CLUL1: variants seen among roughly 807,000 people sequenced by gnomAD.
CLUL1 encodes the protein clusterin-like protein 1.
Under a neutral mutation model 49.4 loss-of-function variants are expected in CLUL1, and 43 were observed. The ratio of observed to expected loss-of-function variants is 0.87; its 90% CI spans 0.68 to 1.12. CLUL1 has a LOEUF of 1.12. Ranked by LOEUF, CLUL1 falls within the 50% of genes most tolerant of loss-of-function variation. The probability of loss-of-function intolerance (pLI) is 0.00; values close to 1 mark genes in which losing one functional copy is unlikely to be tolerated. For missense variants in CLUL1, 486 were observed against 544.4 expected (o/e 0.89, Z 1.07); for synonymous variants, 192 against 184.9 (o/e 1.04, Z -0.31).
chr18:603,842 C>T (rs189873455), intron 1 of CLUL1, among the ~76,000 whole-genome samples: 7 of 152,150 alleles, frequency 4.6e-5, no homozygotes, highest in Non-Finnish European at 5.9e-5. Context: ...TTCTATTTCA[C>T]GAACATTTTG....
chr18:601,686 G>A (rs2072835279), intron 1 of CLUL1, among the ~76,000 whole-genome samples: 1 of 151,390 alleles, frequency 6.6e-6, no homozygotes, highest in Non-Finnish European at 1.5e-5. Context: ...GCACATGCCT[G>A]TAATCCCAGC....
Position 618,235 on chromosome 18 carries a change from T to G in CLUL1, c.106+129T>G. The G allele has an allele frequency of 1.5e-6, 1 of 675,626 alleles. No individual in the cohort carries two copies. The highest frequency in any genetic ancestry group is 2.8e-5 in the East Asian group (1 of 36,014). The allele number at this position is 675,626 out of a possible 1,614,324, so 41.9% of individuals were successfully genotyped here. On this transcript the variant is annotated intron_variant, in intron 3 of 9. Coordinates refer to ENST00000692774, the MANE Select transcript of CLUL1 (RefSeq NM_001393344.1). This position sits in a 1 kb window ranked among gnomAD's most constrained non-coding sequence, Gnocchi z 4.2. Reference sequence around the variant, plus strand: ...CACGGTGAAACGTTCTCAAGGCGCTTAAACCAGGTCATCCTGACGCCAAAC... The same window carrying G: ...CACGGTGAAACGTTCTCAAGGCGCTGAAACCAGGTCATCCTGACGCCAAAC...
At chr18:647,127 A>T (rs2074530147) in intron 9 of CLUL1, among the ~76,000 whole-genome samples, 2 of 152,236 alleles carry the variant, frequency 1.3e-5, no homozygotes, top group South Asian at 4.1e-4. Context: ...ATCAAAGTGT[A>T]TAGGTTGGAG....
intron 1 of CLUL1, among the ~76,000 whole-genome samples, chr18:605,454 C>A (rs2072944603): frequency 6.6e-6 from 1 of 151,782 alleles, no homozygotes; most frequent in Non-Finnish European, 1.5e-5. Flanking sequence ...ATGGTATAAC[C>A]CTGTGTGTAC....
chr18:613,422 G>C (rs2073200487), intron 2 of CLUL1: 1 of 243,848 alleles, frequency 4.1e-6, no homozygotes, highest in Non-Finnish European at 7.7e-6. Flanking sequence ...ACAGGCATGA[G>C]CCACTGTGCC....
chr18:629,187 G>A lies in CLUL1; in HGVS notation c.856+1658G>A, dbSNP rs531305509. On this transcript the variant is annotated intron_variant, in intron 6 of 9. Transcript: ENST00000692774. ...TTGTTGGGTTCTATTTCAGAGTCCA[G>A]TGGACTTTTTTTATAAGTCAATTAT... Among the ~76,000 whole-genome samples, 21 of 152,274 alleles carry A rather than the reference G, an allele frequency of 1.4e-4. No individual in the cohort carries two copies. In the South Asian group the frequency reaches 4.4e-3, roughly 32 times the overall value.
At position 649,804 on chromosome 18, in the gene CLUL1, C is replaced by T. The variant is rs573759847; in HGVS notation, c.1398-94C>T. On this transcript the variant is annotated intron_variant, in intron 9 of 9. Coordinates refer to ENST00000692774, the MANE Select transcript of CLUL1 (RefSeq NM_001393344.1). ...AAGCCAACAGCAGGTATTCTATTAC[C>T]CATCCTGGACTTTTACTCCAAGAAA... 7.0e-4 allele frequency: 575 copies of T among 816,956 alleles called. 7 individuals are homozygous for T. The highest frequency in any genetic ancestry group is 6.6e-3 in the South Asian group (412 of 62,602). 50.6% of individuals were successfully genotyped at this position (816,956 alleles called of 1,614,324 possible).
intron 2 of CLUL1, among the ~76,000 whole-genome samples, chr18:608,309 T>C (rs904382834): frequency 2.6e-5 from 4 of 152,130 alleles, no homozygotes; most frequent in Non-Finnish European, 5.9e-5. Flanking sequence ...TTCCTCCCCT[T>C]ACCCAAGTGA....
intron 9 of CLUL1, among the ~76,000 whole-genome samples, chr18:646,024 A>G (rs561281983): frequency 6.6e-6 from 1 of 151,456 alleles, no homozygotes; most frequent in Admixed American, 6.6e-5. Flanking sequence ...TAATAGTATT[A>G]TCATGATTTT....
At chr18:626,941 A>G (rs1317766554) in intron 5 of CLUL1, among the ~76,000 whole-genome samples, 156 bp from the exon 6 acceptor site, 480 of 1,708 alleles carry the variant, frequency 0.28, 157 homozygotes, top group East Asian at 0.83. Flanking sequence ...GAAAGAAGGA[A>G]AGAAGGAAGG....
Position 633,296 on chromosome 18 carries a change from A to G in CLUL1, c.857-2A>G. The stretch of plus-strand genomic sequence containing the variant: ...AACGTGTAAATGTTATGTTCCCTGT[A>G]GCTCCTGACCACGGAGGCCTGATTT... On this transcript the variant is annotated splice_acceptor_variant, in intron 6 of 9. Coordinates refer to ENST00000692774, the MANE Select transcript of CLUL1 (RefSeq NM_001393344.1). LOFTEE classifies it high-confidence loss of function. 6.2e-7 allele frequency: 1 copy of G among 1,610,422 alleles called. No homozygotes were observed. Among genetic ancestry groups the G allele is most frequent in the African/African-American group, 1.3e-5 (1 of 74,894 alleles).
intron 3 of CLUL1, 132 bp from the exon 4 acceptor site, chr18:619,081 A>T: frequency 1.2e-6 from 1 of 805,798 alleles, no homozygotes; most frequent in Non-Finnish European, 1.9e-6. Context: ...CTAATTCATT[A>T]TGATCTGCTT....
chr18:644,786 G>A (rs2144197471), intron 8 of CLUL1, 124 bp from the exon 9 acceptor site: 1 of 603,334 alleles, frequency 1.7e-6, no homozygotes. Flanking sequence ...GAAGCCCTAG[G>A]AATGCCAGGA....
At chr18:637,673 T>G (rs939585133) in intron 7 of CLUL1, among the ~76,000 whole-genome samples, 2 of 152,138 alleles carry the variant, frequency 1.3e-5, no homozygotes, top group Admixed American at 1.3e-4. Context: ...CCTAGAGCAG[T>G]TGAGAGTGCT....
chr18:631,887 T>G (rs901875435), intron 6 of CLUL1, among the ~76,000 whole-genome samples: 2 of 152,018 alleles, frequency 1.3e-5, no homozygotes, highest in Admixed American at 6.6e-5. Flanking sequence ...CACTGGAAAT[T>G]CTCACAGGGG....
chr18:622,180 A>T (rs990951518), intron 4 of CLUL1, among the ~76,000 whole-genome samples: 3 of 152,200 alleles, frequency 2.0e-5, no homozygotes, highest in African/African-American at 7.2e-5. Flanking sequence ...CATTCTCAAG[A>T]GTACTGCTCA....
intron 1 of CLUL1, among the ~76,000 whole-genome samples, chr18:602,991 A>T (rs762526665): frequency 7.9e-5 from 12 of 152,214 alleles, no homozygotes; most frequent in Non-Finnish European, 1.3e-4. Context: ...TTTGGATTTT[A>T]TTCTGAGGGT....
chr18:632,089 A>G (rs927580589), intron 6 of CLUL1, among the ~76,000 whole-genome samples: 2 of 152,210 alleles, frequency 1.3e-5, no homozygotes, highest in Non-Finnish European at 2.9e-5. Flanking sequence ...TATGACAGAA[A>G]ATCATCAGGT....
chr18:605,511 C>T (rs1304614582), intron 1 of CLUL1, among the ~76,000 whole-genome samples: 1 of 151,622 alleles, frequency 6.6e-6, no homozygotes. Context: ...GCCTGTAGTC[C>T]CAGCTACTTG....
Sources: allele counts gnomAD v4.1 joint callset (sites outside exome capture counted in the v4.1 genomes callset), GRCh38; gene constraint gnomAD v4.1.1; non-coding constraint Gnocchi (gnomAD v3.1); transcripts MANE v1.5; gene names NCBI Gene and HGNC (gene_info 2026-07-23, HGNC 2026-07-21).